The following ZNF474 variants were observed in gnomAD, a reference collection of about 807,000 sequenced individuals.
ZNF474 encodes 4933409D10Rik.
For missense variants in ZNF474, 511 were observed against 433.8 expected (o/e 1.18, Z -1.58); for synonymous variants, 192 against 162.2 (o/e 1.18, Z -1.39).
chr5:122,147,151 G>A (rs1756013401), intron 1 of ZNF474, among the ~76,000 whole-genome samples: 1 of 152,164 alleles, frequency 6.6e-6, no homozygotes, highest in Non-Finnish European at 1.5e-5. Context: ...AAGACGGACT[G>A]GTGAGCATAC....
Position 122,151,907 on chromosome 5 carries a change from C to T in ZNF474, c.-84C>T, listed in dbSNP as rs947090603. ...CGGTGTGAACCCCAGGACAACTAAC[C>T]TCACTAACCTTCACTCTAAGCAGAA... On this transcript the variant is annotated 5_prime_UTR_variant, in exon 2 of 2. Coordinates refer to ENST00000296600, the MANE Select transcript of ZNF474 (RefSeq NM_207317.3). 2.0e-6 allele frequency: 3 copies of T among 1,505,440 alleles called. No individual in the cohort carries two copies. The African/African-American group carries it at 4.2e-5, about 21-fold the overall frequency. 93.3% of individuals were successfully genotyped at this position (1,505,440 alleles called of 1,614,324 possible). A position where few individuals can be genotyped will look rare whatever the true frequency, so the allele number is the denominator to read the frequency against.
Position 122,140,555 on chromosome 5 carries a change from A to G in ZNF474, c.-213+10872A>G, listed in dbSNP as rs184256118. ...ATTCTTAACATCTGAGTGGCAAGAT[A>G]TATTTTAAAAGATCATAGTATGATA... On this transcript the variant is annotated intron_variant, in intron 1 of 1. Coordinates refer to ENST00000296600, the MANE Select transcript of ZNF474 (RefSeq NM_207317.3). 2.8e-4 allele frequency among the ~76,000 whole-genome samples: 42 copies of G among 152,356 alleles called. No homozygotes were observed. In the Middle Eastern group the frequency reaches 0.01, roughly 37 times the overall value.
chr5:122,147,122 A>G (rs1485066412), intron 1 of ZNF474, among the ~76,000 whole-genome samples: 1 of 152,132 alleles, frequency 6.6e-6, no homozygotes, highest in Non-Finnish European at 1.5e-5. Flanking sequence ...TTCCTTTTTG[A>G]AAGCAAGATT....
At chr5:122,140,233 T>G (rs966284731) in intron 1 of ZNF474, among the ~76,000 whole-genome samples, 1 of 152,232 alleles carries the variant, frequency 6.6e-6, no homozygotes, top group Non-Finnish European at 1.5e-5. Context: ...TAGTGGATAC[T>G]TATTAAACAG....
intron 1 of ZNF474, among the ~76,000 whole-genome samples, chr5:122,145,583 A>T (rs1755968992): frequency 6.6e-6 from 1 of 152,168 alleles, no homozygotes; most frequent in Non-Finnish European, 1.5e-5. Flanking sequence ...ATTTAAAAAA[A>T]TACAAGCATG....
chr5:122,153,291 G>GTCC lies in ZNF474; in HGVS notation c.*206_*207insTCC. ...TCTTCAATTCTGCTGTCTAAAAGAA[G>GTCC]AAGAGATGGACTTCTTTCTTCCCTG... is the stretch of plus-strand genomic sequence containing the variant. On this transcript the variant is annotated 3_prime_UTR_variant, in exon 2 of 2. Coordinates refer to ENST00000296600, the MANE Select transcript of ZNF474 (RefSeq NM_207317.3). The GTCC allele has an allele frequency of 3.7e-6, 2 of 540,988 alleles. No homozygotes were observed. The highest frequency in any genetic ancestry group is 3.2e-6 in the Non-Finnish European group (1 of 317,426). 33.5% of individuals were successfully genotyped at this position (540,988 alleles called of 1,614,324 possible).
In ZNF474 at chr5:122,152,901, G is replaced by T. The variant is rs1033766745; in HGVS notation, c.911G>T (p.Arg304Ile). 1.4e-5 allele frequency: 23 copies of T among 1,613,816 alleles called. No homozygotes were observed. The highest frequency in any genetic ancestry group is 1.8e-5 in the Non-Finnish European group (21 of 1,180,038). Residue 304 changes from arginine (R) to isoleucine (I), a missense_variant, in exon 2 of 2, where the codon AGA becomes ATA. Coordinates refer to ENST00000296600, the MANE Select transcript of ZNF474 (RefSeq NM_207317.3). ...FTSDRLLVHQ[R>I]SCKTHPYGPK... is the part of the protein sequence containing the mutation. The stretch of plus-strand genomic sequence containing the variant: ...TCAGACCGCCTCCTGGTACACCAGA[G>T]AAGTTGTAAAACTCATCCTTATGGG...
chr5:122,140,023 G>A (rs1755796688), intron 1 of ZNF474, among the ~76,000 whole-genome samples: 1 of 152,142 alleles, frequency 6.6e-6, no homozygotes, highest in African/African-American at 2.4e-5. Context: ...GGAATTCTCT[G>A]AAAAGTTTGC....
chr5:122,133,586 G>T (rs1272532987), intron 1 of ZNF474, among the ~76,000 whole-genome samples: 1 of 152,082 alleles, frequency 6.6e-6, no homozygotes, highest in African/African-American at 2.4e-5. Flanking sequence ...TTGAGAAAGG[G>T]TCTTGCTCTG....
chr5:122,152,657 A>G lies in ZNF474; in HGVS notation c.667A>G (p.Ile223Val), dbSNP rs1200356080. The G allele has an allele frequency of 6.2e-7, 1 of 1,614,172 alleles. No individual in the cohort carries two copies. The highest frequency in any genetic ancestry group is 8.5e-7 in the Non-Finnish European group (1 of 1,180,026). The change falls in exon 2 of 2, where the codon ATC becomes GTC. Residue 223 changes from isoleucine (I) to valine (V), a missense_variant. By Grantham distance (29) the Ile-to-Val change is conservative (BLOSUM62 3). Coordinates refer to ENST00000296600, the MANE Select transcript of ZNF474 (RefSeq NM_207317.3). ...AACCCCAGCCCGACCAAGGACTGTT[A>G]TCTGCTACATATGTGGTAAGGAATT... ...SGTPARPRTVICYICGKEFGT... is the reference protein window; with the variant it reads ...SGTPARPRTVVCYICGKEFGT...
At chr5:122,136,376 A>G (rs1319139664) in intron 1 of ZNF474, among the ~76,000 whole-genome samples, 1 of 151,894 alleles carries the variant, frequency 6.6e-6, no homozygotes, top group African/African-American at 2.4e-5. Flanking sequence ...GTGGTCAAGA[A>G]AAACAATGTA....
At position 122,153,105 on chromosome 5, in the gene ZNF474, C is replaced by G; in HGVS notation, c.*20C>G. On this transcript the variant is annotated 3_prime_UTR_variant, in exon 2 of 2. Transcript: ENST00000296600. ...CTGTAGGGGAACAAGAGAAAACTAT[C>G]CCCAGAATCAGCCACCTCAGCCCCT... 6.3e-7 allele frequency: 1 copy of G among 1,585,114 alleles called. No homozygotes were observed. The highest frequency in any genetic ancestry group is 2.2e-5 in the East Asian group (1 of 44,544).
At chr5:122,138,976 A>C (rs769910885) in intron 1 of ZNF474, among the ~76,000 whole-genome samples, 10 of 152,230 alleles carry the variant, frequency 6.6e-5, no homozygotes, top group Non-Finnish European at 1.3e-4. Flanking sequence ...TTTTAAAATC[A>C]TAAATGTGTA....
At chr5:122,131,216 T>C (rs1385422423) in intron 1 of ZNF474, among the ~76,000 whole-genome samples, 1 of 152,166 alleles carries the variant, frequency 6.6e-6, no homozygotes, top group Non-Finnish European at 1.5e-5. Flanking sequence ...GATTGTAATT[T>C]AATACAGCCA....
chr5:122,130,025 T>C (rs938479540), intron 1 of ZNF474, among the ~76,000 whole-genome samples: 8 of 152,192 alleles, frequency 5.3e-5, no homozygotes, highest in African/African-American at 1.9e-4. Context: ...AAAAGAATGA[T>C]TTTTAAAATA....
chr5:122,150,180 C>T (rs1373761705), intron 1 of ZNF474, among the ~76,000 whole-genome samples: 1 of 152,116 alleles, frequency 6.6e-6, no homozygotes, highest in African/African-American at 2.4e-5. Context: ...TAATTTTACC[C>T]TATTCCTATG....
intron 1 of ZNF474, among the ~76,000 whole-genome samples, chr5:122,149,930 A>T (rs1756121063): frequency 6.7e-6 from 1 of 149,816 alleles, no homozygotes; most frequent in African/African-American, 2.5e-5. Context: ...TGAGAGAGAG[A>T]GAGAGAGAGA....
chr5:122,152,482 G>C lies in ZNF474; in HGVS notation c.492G>C (p.Gln164His), dbSNP rs780558128. 3 of 1,614,182 alleles carry C rather than the reference G, an allele frequency of 1.9e-6. No homozygotes were observed. The highest frequency in any genetic ancestry group is 3.3e-5 in the Admixed American group (2 of 60,024). ...CTGCATTTCAGAGTGCCCAGGCTCA[G>C]CTGCTGCCCTGTGAATCCTGTGGCC... Reference protein sequence around the residue: ...NEAAFQSAQAQLLPCESCGRT... With the variant: ...NEAAFQSAQAHLLPCESCGRT... The change falls in exon 2 of 2, where the codon CAG becomes CAC. Residue 164 changes from glutamine (Q) to histidine (H), a missense_variant. Transcript: ENST00000296600.
Position 122,153,284 on chromosome 5 carries a change from A to G in ZNF474, c.*199A>G, listed in dbSNP as rs1019196122. ...ATATTCCTCTTCAATTCTGCTGTCTAAAAGAAGAAGAGATGGACTTCTTTC... is the reference window on the plus strand; with the variant it reads ...ATATTCCTCTTCAATTCTGCTGTCTGAAAGAAGAAGAGATGGACTTCTTTC... On this transcript the variant is annotated 3_prime_UTR_variant, in exon 2 of 2. Transcript: ENST00000296600. 3.6e-6 allele frequency: 2 copies of G among 562,774 alleles called. No homozygotes were observed. The highest frequency in any genetic ancestry group is 3.0e-6 in the Non-Finnish European group (1 of 334,446). The allele number at this position is 562,774 out of a possible 1,614,324, so 34.9% of individuals were successfully genotyped here. A position where few individuals can be genotyped will look rare whatever the true frequency, so the allele number is the denominator to read the frequency against.
Sources: gnomAD v4.1 joint callset for allele counts (sites outside exome capture counted in the v4.1 genomes callset) on GRCh38, gnomAD v4.1.1 for gene constraint, MANE v1.5 for transcripts, NCBI Gene and HGNC (gene_info 2026-07-23, HGNC 2026-07-21) for gene names.